Variants in SLC9A9 observed in about 807,000 individuals in gnomAD.
SLC9A9 encodes the protein sodium/hydrogen exchanger 9.
In SLC9A9, 62 loss-of-function variants were observed where a neutral mutation model predicts 77.8. The ratio of observed to expected loss-of-function variants is 0.80; its 90% CI spans 0.65 to 0.98. The LOEUF is 0.98. SLC9A9 is among the 50% of genes least tolerant of loss of function. The pLI is 0.00. For synonymous variants in SLC9A9, 320 were observed against 283.5 expected, an observed-to-expected ratio of 1.13 and a Z score of -1.29; for missense variants, 775 against 774.9, an observed-to-expected ratio of 1.00 and a Z score of 0.00.
intron 14 of SLC9A9, among the ~76,000 whole-genome samples, chr3:143,273,093 C>T (rs895317057): frequency 2.0e-5 from 3 of 152,236 alleles, no homozygotes; most frequent in Non-Finnish European, 2.9e-5. Flanking sequence ...TTTAAATCAT[C>T]ATGTTTTGTC....
At chr3:143,443,728 T>C (rs193237495) in intron 12 of SLC9A9, among the ~76,000 whole-genome samples, 7 of 152,342 alleles carry the variant, frequency 4.6e-5, no homozygotes, top group Admixed American at 1.3e-4. Context: ...GTAGAACTTA[T>C]GCTATCATGT....
intron 15 of SLC9A9, 78 bp from the exon 16 acceptor site, chr3:143,267,007 T>A: frequency 7.1e-7 from 1 of 1,405,158 alleles, no homozygotes; most frequent in Non-Finnish European, 9.9e-7. Context: ...TTTTTTTTTT[T>A]TTTAAACAGA....
At chr3:143,447,084 G>A (rs2034859914) in intron 12 of SLC9A9, among the ~76,000 whole-genome samples, 1 of 152,166 alleles carries the variant, frequency 6.6e-6, no homozygotes, top group African/African-American at 2.4e-5. Flanking sequence ...CCCCCTCTAA[G>A]CCTCATCTAT....
chr3:143,299,569 C>A (rs1420242778), intron 14 of SLC9A9, among the ~76,000 whole-genome samples: 2 of 152,046 alleles, frequency 1.3e-5, no homozygotes, highest in South Asian at 2.1e-4. Flanking sequence ...TCAGCCTCCC[C>A]AGTAGCTGGG....
intron 14 of SLC9A9, among the ~76,000 whole-genome samples, chr3:143,309,918 A>T (rs2030954430): frequency 6.6e-6 from 1 of 151,968 alleles, no homozygotes; most frequent in Non-Finnish European, 1.5e-5. Context: ...CCTAAAAACC[A>T]CCCTCGTCTA....
At chr3:143,783,171 A>G (rs763079204) in intron 4 of SLC9A9, among the ~76,000 whole-genome samples, 9 of 152,204 alleles carry the variant, frequency 5.9e-5, no homozygotes, top group Non-Finnish European at 8.8e-5. Flanking sequence ...AGGCTACAGG[A>G]TGCTAAACAG....
At chr3:143,305,451 A>G (rs1369508755) in intron 14 of SLC9A9, among the ~76,000 whole-genome samples, 2 of 152,226 alleles carry the variant, frequency 1.3e-5, no homozygotes, top group East Asian at 1.9e-4. Flanking sequence ...CACACAGTTC[A>G]TAAGTGGTGG....
intron 5 of SLC9A9, among the ~76,000 whole-genome samples, chr3:143,678,423 T>A (rs1307780658): frequency 6.6e-6 from 1 of 152,212 alleles, no homozygotes; most frequent in Non-Finnish European, 1.5e-5. Context: ...AGTAGTTTTT[T>A]AAAATTTCAT....
At chr3:143,534,181 T>A (rs1190665442) in intron 9 of SLC9A9, among the ~76,000 whole-genome samples, 2 of 152,218 alleles carry the variant, frequency 1.3e-5, no homozygotes, top group Non-Finnish European at 2.9e-5. Flanking sequence ...GTTTCATGAA[T>A]CAGGCAAATC....
chr3:143,507,198 A>G (rs2036036890), intron 9 of SLC9A9, among the ~76,000 whole-genome samples: 1 of 150,556 alleles, frequency 6.6e-6, no homozygotes, highest in Non-Finnish European at 1.5e-5. Flanking sequence ...TATTATTATC[A>G]TTATTATTAT....
intron 4 of SLC9A9, among the ~76,000 whole-genome samples, chr3:143,728,623 C>T (rs1170113577): frequency 6.6e-6 from 1 of 152,102 alleles, no homozygotes. Context: ...CAGAAGGTTG[C>T]TGTGGCTGCT....
At chr3:143,753,265 GA>G (rs201925699) in intron 4 of SLC9A9, among the ~76,000 whole-genome samples, 6 of 150,958 alleles carry the variant, frequency 4.0e-5, no homozygotes, top group Admixed American at 2.0e-4. Flanking sequence ...TGGCCTGCAT[GA>G]AAAAAAAAGT....
intron 4 of SLC9A9, among the ~76,000 whole-genome samples, chr3:143,785,766 C>G (rs1469500180): frequency 7.2e-6 from 1 of 138,796 alleles, no homozygotes; most frequent in Non-Finnish European, 1.6e-5. Flanking sequence ...AGATTTTGGT[C>G]AAATCAAGAA....
chr3:143,703,978 T>G (rs1440411095), intron 4 of SLC9A9, among the ~76,000 whole-genome samples: 1 of 152,084 alleles, frequency 6.6e-6, no homozygotes, highest in African/African-American at 2.4e-5. Flanking sequence ...ATAGATAAAT[T>G]TCTACAGTCA....
At chr3:143,537,289 A>G (rs536202681) in intron 9 of SLC9A9, among the ~76,000 whole-genome samples, 51 of 152,350 alleles carry the variant, frequency 3.3e-4, no homozygotes, top group African/African-American at 1.2e-3. Context: ...CTTGTAAAAA[A>G]TTCTAACATG....
At chr3:143,422,476 C>A (rs921103070) in intron 12 of SLC9A9, among the ~76,000 whole-genome samples, 1 of 152,134 alleles carries the variant, frequency 6.6e-6, no homozygotes, top group Non-Finnish European at 1.5e-5. Flanking sequence ...AGGCCATCAT[C>A]CTTAGCGAGT....
chr3:143,726,161 A>G lies in SLC9A9; in HGVS notation c.534-32854T>C, dbSNP rs910419423. Among the ~76,000 whole-genome samples the G allele has an allele frequency of 2.0e-5, 3 of 151,596 alleles. No individual in the cohort carries two copies. In the East Asian group the frequency reaches 5.8e-4, roughly 29 times the overall value. On this transcript the variant is annotated intron_variant, in intron 4 of 15. Transcript: ENST00000316549. ...GGTGATAGGTTGGTCTGTGCAGTAA[A>G]CCACCATGACACACGTTTACCTATG...
chr3:143,284,590 T>G lies in SLC9A9; in HGVS notation c.1605-15610A>C, dbSNP rs116037779. Among the ~76,000 whole-genome samples the G allele has an allele frequency of 8.6e-3, 1,305 of 152,084 alleles. 18 individuals carry two copies. The highest frequency in any genetic ancestry group is 0.029 in the African/African-American group (1,218 of 41,520). ...AAGTATTCTAAAATATAATATAATATAATACCAGTTTCTAAAATATAATTT... is the reference window on the plus strand; with the variant it reads ...AAGTATTCTAAAATATAATATAATAGAATACCAGTTTCTAAAATATAATTT... On this transcript the variant is annotated intron_variant, in intron 14 of 15. Transcript: ENST00000316549.
chr3:143,810,952 GA>G (rs2008848801), intron 2 of SLC9A9, among the ~76,000 whole-genome samples: 1 of 152,144 alleles, frequency 6.6e-6, no homozygotes, highest in African/African-American at 2.4e-5. Flanking sequence ...TGGGCTTGCT[GA>G]TCCCCCAGGA....
Sources: gnomAD v4.1 joint callset for allele counts (sites outside exome capture counted in the v4.1 genomes callset) on GRCh38, gnomAD v4.1.1 for gene constraint, MANE v1.5 for transcripts, NCBI Gene and HGNC (gene_info 2026-07-23, HGNC 2026-07-21) for gene names.